The following ADAMTS20 variants were observed in gnomAD, a reference collection of about 807,000 sequenced individuals.
ADAMTS20 encodes the protein A disintegrin and metalloproteinase with thrombospondin motifs 20.
A neutral mutation model predicts 260.1 loss-of-function variants in ADAMTS20; 225 were observed. The observed-to-expected ratio is 0.87, with a 90% CI of 0.78 to 0.97. The LOEUF is 0.97. Among genes scored for constraint, ADAMTS20 ranks in the 50% least tolerant of loss-of-function variants. ADAMTS20 has a pLI of 0.00. For missense variants in ADAMTS20, 2,400 were observed against 2,337.7 expected (o/e 1.03, Z -0.55); for synonymous variants, 802 against 769.5 (o/e 1.04, Z -0.70).
chr12:43,492,525 GT>G lies in ADAMTS20; in HGVS notation c.1055del (p.Asp352AlafsTer21). On this transcript the variant is annotated frameshift_variant, in exon 6 of 39. Transcript: ENST00000389420. LOFTEE classifies it high-confidence loss of function. ...DLDDVHPSHH[D>X]TAVLITREDI... ...CATACCTAGTGATAAGAACAGCAGTGTCATGGTGGGAAGGGTGAACATCATC... is the reference window on the plus strand; with the variant it reads ...CATACCTAGTGATAAGAACAGCAGTGCATGGTGGGAAGGGTGAACATCATC... 1 of 1,613,856 alleles carries G rather than the reference GT, an allele frequency of 6.2e-7. No individual in the cohort carries two copies. Among genetic ancestry groups the G allele is most frequent in the Non-Finnish European group, 8.5e-7 (1 of 1,179,786 alleles).
At chr12:43,399,341 T>G in intron 28 of ADAMTS20, 108 bp from the exon 29 acceptor site, 1 of 990,510 alleles carries the variant, frequency 1.0e-6, no homozygotes, top group Non-Finnish European at 1.4e-6. Context: ...CTTTGATATT[T>G]TTATGAAGAT....
intron 11 of ADAMTS20, among the ~76,000 whole-genome samples, chr12:43,461,679 T>G (rs1393022509): frequency 6.6e-6 from 1 of 152,098 alleles, no homozygotes; most frequent in Non-Finnish European, 1.5e-5. Context: ...GCATTCATAC[T>G]TCAAAAAGAT....
At chr12:43,354,330 C>T in intron 38 of ADAMTS20, 32 bp from the exon 39 acceptor site, 1 of 1,473,208 alleles carries the variant, frequency 6.8e-7, no homozygotes, top group Non-Finnish European at 9.3e-7. Context: ...ACAGAAGAAT[C>T]TTATACAAGC....
In ADAMTS20 at chr12:43,429,792, T is replaced by TTTTTATTTAAAAAAAAATA. The variant is rs1941405813; in HGVS notation, c.3382-69_3382-68insTATTTTTTTTTAAATAAAA. 3.0e-6 allele frequency: 3 copies of TTTTTATTTAAAAAAAAATA among 1,005,576 alleles called. No individual in the cohort carries two copies. The African/African-American group carries it at 4.9e-5, about 17-fold the overall frequency. The allele number at this position is 1,005,576 out of a possible 1,614,324, so 62.3% of individuals were successfully genotyped here. A position where few individuals can be genotyped will look rare whatever the true frequency, so the allele number is the denominator to read the frequency against. ...ACTGATTTATACAAAATCTAATACT[T>TTTTTATTTAAAAAAAAATA]CACTTCTTCTGTATGTCTCAAGAAC... On this transcript the variant is annotated intron_variant, in intron 23 of 38. Transcript: ENST00000389420.
chr12:43,454,326 C>A (rs1026191263), intron 11 of ADAMTS20, among the ~76,000 whole-genome samples: 1 of 152,052 alleles, frequency 6.6e-6, no homozygotes, highest in Non-Finnish European at 1.5e-5. Context: ...TGGAATATGG[C>A]GGGTATTTTT....
rs895472998 is a variant in ADAMTS20, at chr12:43,462,879, C to T, written c.1614+16G>A. The T allele has an allele frequency of 1.9e-6, 3 of 1,583,258 alleles. No homozygotes were observed. The highest frequency in any genetic ancestry group is 2.6e-6 in the Non-Finnish European group (3 of 1,161,272). ...ATAATATCTTCATACAAGACTCACC[C>T]TTCAAGAAAACCTACCATTCCAGGA... On this transcript the variant is annotated intron_variant, in intron 11 of 38. Coordinates refer to ENST00000389420, the MANE Select transcript of ADAMTS20 (RefSeq NM_025003.5).
intron 3 of ADAMTS20, among the ~76,000 whole-genome samples, chr12:43,510,810 T>C (rs1448415124): frequency 6.6e-6 from 1 of 152,046 alleles, no homozygotes; most frequent in Non-Finnish European, 1.5e-5. Context: ...GCAAGGAGGA[T>C]GTTAAAATAA....
At chr12:43,412,696 T>G (rs572926503) in intron 28 of ADAMTS20, among the ~76,000 whole-genome samples, 1 of 152,264 alleles carries the variant, frequency 6.6e-6, no homozygotes, top group African/African-American at 2.4e-5. Flanking sequence ...GCATCATGTC[T>G]GATTATCTTC....
At chr12:43,388,210 C>G (rs1940523205) in intron 29 of ADAMTS20, among the ~76,000 whole-genome samples, 1 of 152,154 alleles carries the variant, frequency 6.6e-6, no homozygotes, top group Non-Finnish European at 1.5e-5. Context: ...AGGGGAAAAG[C>G]ATAGTATCCG....
intron 7 of ADAMTS20, among the ~76,000 whole-genome samples, chr12:43,486,499 CT>C (rs1942525036): frequency 6.6e-6 from 1 of 152,026 alleles, no homozygotes; most frequent in African/African-American, 2.4e-5. Flanking sequence ...AGGAAAAACT[CT>C]TCTGGACATT....
Position 43,539,588 on chromosome 12 carries a change from A to G in ADAMTS20, c.454-7393T>C, listed in dbSNP as rs1266599599. ...TTCTAAAGATAACTACAAATCACTT[A>G]CTTTCAACAAACACCAATACTCTAG... On this transcript the variant is annotated intron_variant, in intron 2 of 38. Coordinates refer to ENST00000389420, the MANE Select transcript of ADAMTS20 (RefSeq NM_025003.5). 2.0e-5 allele frequency among the ~76,000 whole-genome samples: 3 copies of G among 152,186 alleles called. No homozygotes were observed. In the East Asian group the frequency reaches 5.8e-4, roughly 29 times the overall value.
intron 6 of ADAMTS20, among the ~76,000 whole-genome samples, chr12:43,490,746 AT>A (rs2137428070): frequency 6.6e-6 from 1 of 152,252 alleles, no homozygotes; most frequent in South Asian, 2.1e-4. Flanking sequence ...TACCCTCATG[AT>A]GATTCAATGT....
chr12:43,405,229 CAAAAAAAAAAAAAA>C (rs869040570), intron 28 of ADAMTS20, among the ~76,000 whole-genome samples: 10 of 52,778 alleles, frequency 1.9e-4, no homozygotes, highest in Admixed American at 5.7e-4. Context: ...CTCATCTCTA[CAAAAAAAAAAAAAA>C]AAAAAAAAAA....
chr12:43,403,560 T>C (rs1327460762), intron 28 of ADAMTS20, among the ~76,000 whole-genome samples: 13 of 152,100 alleles, frequency 8.5e-5, no homozygotes, highest in Admixed American at 6.6e-4. Context: ...CCTTTATAGA[T>C]TTTACAAGCT....
At chr12:43,362,528 G>A (rs1248829607) in intron 37 of ADAMTS20, among the ~76,000 whole-genome samples, 2 of 152,122 alleles carry the variant, frequency 1.3e-5, no homozygotes, top group African/African-American at 4.8e-5. Flanking sequence ...ATACAATCAT[G>A]TGAGGAAACA....
chr12:43,443,543 T>G (rs2137332573), intron 16 of ADAMTS20, among the ~76,000 whole-genome samples: 1 of 152,244 alleles, frequency 6.6e-6, no homozygotes, highest in East Asian at 1.9e-4. Flanking sequence ...AATTTCTGGT[T>G]ATCTAAAATA....
At chr12:43,354,964 G>A (rs553091331) in intron 38 of ADAMTS20, among the ~76,000 whole-genome samples, 18 of 152,312 alleles carry the variant, frequency 1.2e-4, no homozygotes, top group Middle Eastern at 3.4e-3. Flanking sequence ...TGGTCAGGAC[G>A]TGATAGACGC....
In ADAMTS20 at chr12:43,382,405, C is replaced by T. The variant is rs116142809; in HGVS notation, c.4797+1153G>A. Among the ~76,000 whole-genome samples the T allele has an allele frequency of 4.8e-3, 727 of 152,210 alleles. 7 individuals are homozygous for T. The highest frequency in any genetic ancestry group is 0.016 in the African/African-American group (656 of 41,554). ...CAAAAGACCACATATGGTATGATTC[C>T]ATTTATACCAAATGTGCAGAACAGG... On this transcript the variant is annotated intron_variant, in intron 31 of 38. Transcript: ENST00000389420.
At chr12:43,411,698 A>T (rs1941035488) in intron 28 of ADAMTS20, among the ~76,000 whole-genome samples, 1 of 152,172 alleles carries the variant, frequency 6.6e-6, no homozygotes, top group African/African-American at 2.4e-5. Context: ...CATAAGCTAA[A>T]CATCTTTCCA....
Sources: allele counts gnomAD v4.1 joint callset (sites outside exome capture counted in the v4.1 genomes callset), GRCh38; gene constraint gnomAD v4.1.1; transcripts MANE v1.5; gene names NCBI Gene and HGNC (gene_info 2026-07-23, HGNC 2026-07-21).